TUBGCP6: variants seen among roughly 807,000 people sequenced by gnomAD.
TUBGCP6 encodes the protein gamma-tubulin complex component 6.
TUBGCP6 carries 161 observed loss-of-function variants against 175.8 expected under a neutral mutation model. The observed-to-expected ratio is 0.92, with a 90% CI of 0.81 to 1.04. The LOEUF (loss-of-function observed/expected upper bound fraction) is 1.04. Among genes scored for constraint, TUBGCP6 ranks in the 50% least tolerant of loss-of-function variants. The probability of loss-of-function intolerance (pLI) is 0.00; values close to 1 mark genes in which losing one functional copy is unlikely to be tolerated. For missense variants in TUBGCP6, 2,572 were observed against 2,433.0 expected (o/e 1.06, Z -1.20); for synonymous variants, 1,173 against 1,030.5 (o/e 1.14, Z -2.65).
chr22:50,238,544 G>T (rs200250076), intron 2 of TUBGCP6, among the ~76,000 whole-genome samples: 1,410 of 125,484 alleles, frequency 0.011, 12 homozygotes, highest in African/African-American at 0.037. Context: ...TTTTTTTTTT[G>T]TTTTTTTTTT....
In TUBGCP6 at chr22:50,218,076, A is replaced by G; in HGVS notation, c.5210T>C (p.Ile1737Thr). The G allele has an allele frequency of 6.2e-7, 1 of 1,613,298 alleles. No homozygotes were observed. The highest frequency in any genetic ancestry group is 1.1e-5 in the South Asian group (1 of 91,078). ...TEKAAPVMNV[I>T]HSIFSLVLKF... ...GAGCACGAGGCTGAAGATGCTGTGGATGACGTTCATGACGGGCGCCGCCTT... is the reference window on the plus strand; with the variant it reads ...GAGCACGAGGCTGAAGATGCTGTGGGTGACGTTCATGACGGGCGCCGCCTT... The change falls in exon 24 of 25, where the codon ATC becomes ACC. Residue 1737 changes from isoleucine to threonine, a missense_variant. Coordinates refer to ENST00000248846, the MANE Select transcript of TUBGCP6 (RefSeq NM_020461.4).
Position 50,233,358 on chromosome 22 carries a change from G to A in TUBGCP6, c.1074C>T (p.Asn358=), listed in dbSNP as rs1201148701. The A allele has an allele frequency of 6.8e-6, 11 of 1,613,868 alleles. No homozygotes were observed. The highest frequency in any genetic ancestry group is 1.6e-4 in the Middle Eastern group (1 of 6,080). ...KECELVKDVL[N]VLIGVVSATF... is the part of the protein sequence containing the mutation. ...TGGCAGACACGACCCCAATCAAGAC[G>A]TTCAGCACGTCTTTCACCAGCTCGC... Residue 358 remains asparagine (N), a synonymous_variant, in exon 3 of 25, where the codon AAC becomes AAT. Coordinates refer to ENST00000248846, the MANE Select transcript of TUBGCP6 (RefSeq NM_020461.4).
At chr22:50,222,633 C>T (rs1196475695) in intron 13 of TUBGCP6, 41 bp from the exon 14 acceptor site, 2 of 1,599,364 alleles carry the variant, frequency 1.3e-6, no homozygotes, top group Non-Finnish European at 1.7e-6. Context: ...ACAAGAGTCA[C>T]CCCACCCCAT....
intron 3 of TUBGCP6, 75 bp from the exon 4 acceptor site, chr22:50,229,652 C>T (rs2064664581): frequency 6.8e-7 from 1 of 1,468,820 alleles, no homozygotes; most frequent in Non-Finnish European, 9.1e-7. Context: ...CTCCCTCCAC[C>T]CTTGCACCCA....
At chr22:50,224,939 C>T (rs1188058959) in intron 10 of TUBGCP6, among the ~76,000 whole-genome samples, 1 of 152,114 alleles carries the variant, frequency 6.6e-6, no homozygotes, top group African/African-American at 2.4e-5. Context: ...AAAAAGCAAC[C>T]TAATCCTCTG....
chr22:50,244,578 T>C lies in TUBGCP6; in HGVS notation c.-119A>G, dbSNP rs921365816. 7.7e-6 allele frequency: 11 copies of C among 1,425,438 alleles called. No individual in the cohort carries two copies. The highest frequency in any genetic ancestry group is 1.0e-5 in the Non-Finnish European group (11 of 1,089,294). 88.3% of individuals were successfully genotyped at this position (1,425,438 alleles called of 1,614,324 possible). On this transcript the variant is annotated 5_prime_UTR_variant, in exon 1 of 25. Coordinates refer to ENST00000248846, the MANE Select transcript of TUBGCP6 (RefSeq NM_020461.4). ...AAGAGGCTGAATGACAGGCGGCCTC[T>C]CCAATGCCGAAGCTCAGAACTGGTA... is the stretch of plus-strand genomic sequence containing the variant.
intron 5 of TUBGCP6, 48 bp downstream of exon 5, chr22:50,227,859 A>G: frequency 6.4e-7 from 1 of 1,554,936 alleles, no homozygotes; most frequent in Non-Finnish European, 8.7e-7. Flanking sequence ...AGCAAGCCCC[A>G]CACCGCTCCC....
chr22:50,234,963 G>A (rs558045523), intron 2 of TUBGCP6, among the ~76,000 whole-genome samples: 536 of 140,506 alleles, frequency 3.8e-3, no homozygotes, highest in African/African-American at 0.014. Context: ...GTCCATGGCA[G>A]CATCCACACC....
chr22:50,234,848 C>T (rs567624078), intron 2 of TUBGCP6, among the ~76,000 whole-genome samples: 1 of 149,986 alleles, frequency 6.7e-6, no homozygotes, highest in East Asian at 2.0e-4. Context: ...ACCCACACCC[C>T]TGTCCCTGGC....
intron 2 of TUBGCP6, among the ~76,000 whole-genome samples, chr22:50,237,938 CA>C (rs2064796264): frequency 6.6e-6 from 1 of 152,130 alleles, no homozygotes; most frequent in Admixed American, 6.5e-5. Flanking sequence ...GCCTGACCAA[CA>C]TGGAGAAACA....
intron 15 of TUBGCP6, 65 bp downstream of exon 15, chr22:50,221,963 C>T (rs2064532424): frequency 4.4e-6 from 7 of 1,601,766 alleles, no homozygotes; most frequent in Non-Finnish European, 6.0e-6. Context: ...CAGCCATGAC[C>T]AACACCAGGT....
rs2147170603 is a variant in TUBGCP6 at position 50,217,760 on chromosome 22, G to GC, written c.5435_5436insG (p.Phe1812LeufsTer19). ...CTCAGGCGTCCTGGTAGTAGTTGTTGAAGTTGATGCGCAGCAGAAAGTCCT... is the reference window on the plus strand; with the variant it reads ...CTCAGGCGTCCTGGTAGTAGTTGTTGCAAGTTGATGCGCAGCAGAAAGTCCT... On this transcript the variant is annotated frameshift_variant, in exon 25 of 25. Transcript: ENST00000248846. LOFTEE classifies it high-confidence loss of function. 1.9e-6 allele frequency: 3 copies of GC among 1,614,098 alleles called. No homozygotes were observed. Among genetic ancestry groups the GC allele is most frequent in the Non-Finnish European group, 2.5e-6 (3 of 1,180,016 alleles).
Position 50,224,404 on chromosome 22 carries a change from T to A in TUBGCP6, c.2082A>T (p.Glu694Asp). ...GCTTCCGGGCATCCAAGGCCATCCGTTCTGACATCTGCCGGTCTACATTGG... is the reference window on the plus strand; with the variant it reads ...GCTTCCGGGCATCCAAGGCCATCCGATCTGACATCTGCCGGTCTACATTGG... ...LSALSDRQMSERMALDARKRE... is the reference protein window; with the variant it reads ...LSALSDRQMSDRMALDARKRE... The change falls in exon 12 of 25, where the codon GAA (glutamate) becomes GAT (aspartate). Residue 694 changes from glutamate to aspartate, a missense_variant. Glu to Asp is a conservative substitution (Grantham distance 45, BLOSUM62 2). Coordinates refer to ENST00000248846, the MANE Select transcript of TUBGCP6 (RefSeq NM_020461.4). The A allele has an allele frequency of 1.2e-6, 2 of 1,614,166 alleles. No individual in the cohort carries two copies.
At chr22:50,222,738 G>A (rs1272655503) in intron 13 of TUBGCP6, 146 bp from the exon 14 acceptor site, 3 of 1,186,916 alleles carry the variant, frequency 2.5e-6, no homozygotes, top group Admixed American at 5.1e-5. Context: ...TGATAGCTCT[G>A]GGCCCTCACA....
At position 50,226,734 on chromosome 22, in the gene TUBGCP6, G is replaced by A. The variant is rs141823240; in HGVS notation, c.1600C>T (p.Arg534Trp). The change falls in exon 7 of 25, where the codon CGG (arginine) becomes TGG (tryptophan). Residue 534 changes from arginine to tryptophan, a missense_variant and splice_region_variant. Physicochemically the swap from Arg to Trp is moderately radical, Grantham distance 101. Coordinates refer to ENST00000248846, the MANE Select transcript of TUBGCP6 (RefSeq NM_020461.4). ...GCGCCTGCCCAGCCCACTGCCCACC[G>A]GGTGTAGGGCTCGCAGCTGGTCTTC... ...LLKTSCEPYT[R>W]FIHDWVYSGV... The A allele has an allele frequency of 2.2e-5, 34 of 1,579,350 alleles. No individual in the cohort carries two copies. The highest frequency in any genetic ancestry group is 5.4e-5 in the African/African-American group (4 of 74,684).
intron 16 of TUBGCP6, 30 bp from the exon 17 acceptor site, chr22:50,220,045 T>C: frequency 6.2e-7 from 1 of 1,610,342 alleles, no homozygotes; most frequent in Non-Finnish European, 8.5e-7. Flanking sequence ...CACGAGGGCA[T>C]CAGGGCCGAG....
intron 2 of TUBGCP6, among the ~76,000 whole-genome samples, chr22:50,234,595 G>A (rs1448947880): frequency 6.0e-5 from 8 of 132,254 alleles, no homozygotes; most frequent in Non-Finnish European, 1.3e-4. Flanking sequence ...GTCCACGGCA[G>A]CATCATCCAC....
chr22:50,228,317 C>A (rs890204537), intron 4 of TUBGCP6, among the ~76,000 whole-genome samples: 3 of 140,828 alleles, frequency 2.1e-5, no homozygotes, highest in African/African-American at 7.6e-5. Context: ...CTGAGCCCAG[C>A]TGCCCCAGGG....
chr22:50,238,477 G>C lies in TUBGCP6; in HGVS notation c.905+1727C>G, dbSNP rs557444311. ...AATAAATAAATACAAAAAAAAAACA[G>C]AAAAAAATACTATTAGCAGACATGT... On this transcript the variant is annotated intron_variant, in intron 2 of 24. Transcript: ENST00000248846. Among the ~76,000 whole-genome samples the C allele has an allele frequency of 5.2e-3, 768 of 148,552 alleles. 8 individuals are homozygous for C. The highest frequency in any genetic ancestry group is 0.016 in the Admixed American group (237 of 15,010).
Sources: gnomAD v4.1 joint callset for allele counts (sites outside exome capture counted in the v4.1 genomes callset) on GRCh38, gnomAD v4.1.1 for gene constraint, MANE v1.5 for transcripts, NCBI Gene and HGNC (gene_info 2026-07-23, HGNC 2026-07-21) for gene names.